Variants in CLEC1B observed in about 807,000 individuals in gnomAD.
CLEC1B encodes C-type lectin domain family 1 member B.
CLEC1B carries 26 observed loss-of-function variants against 26.7 expected under a neutral mutation model. That is an observed-to-expected ratio of 0.97 (90% CI 0.71 to 1.35). The LOEUF is 1.35. CLEC1B is among the 40% of genes most tolerant of loss of function. The pLI, the probability that CLEC1B is intolerant of heterozygous loss-of-function variation, is 0.00. For missense variants in CLEC1B, 293 were observed against 282.6 expected, an observed-to-expected ratio of 1.04 and a Z score of -0.26; for synonymous variants, 112 against 96.0, an observed-to-expected ratio of 1.17 and a Z score of -0.97.
upstream of CLEC1B, among the ~76,000 whole-genome samples, chr12:10,000,780 T>G (rs935092231): frequency 3.3e-5 from 5 of 152,204 alleles, no homozygotes; most frequent in African/African-American, 9.6e-5. Flanking sequence ...GGTTTGATCC[T>G]CCCTCTCTTC....
intron 1 of CLEC1B, 44 bp downstream of exon 1, chr12:9,998,993 T>C (rs760158188): frequency 1.8e-6 from 2 of 1,130,446 alleles, no homozygotes; most frequent in Non-Finnish European, 2.7e-6. Context: ...AATCAACTCA[T>C]TTTTTAAATT....
intron 5 of CLEC1B, 161 bp downstream of exon 5, chr12:9,994,979 A>C: frequency 6.6e-7 from 1 of 1,518,228 alleles, no homozygotes. Flanking sequence ...GAGAGGGGAA[A>C]GAATTGTCTT....
chr12:9,995,683 C>A (rs1865026816), intron 4 of CLEC1B: 2 of 235,376 alleles, frequency 8.5e-6, no homozygotes, highest in Non-Finnish European at 8.4e-6. Flanking sequence ...TAAAATCTTA[C>A]ATATGGAAGT....
chr12:9,995,048 A>G, intron 5 of CLEC1B, 92 bp downstream of exon 5: 2 of 1,590,434 alleles, frequency 1.3e-6, no homozygotes, highest in Non-Finnish European at 1.7e-6. Flanking sequence ...TGCTTCTATA[A>G]CCCATAGTAG....
upstream of CLEC1B, among the ~76,000 whole-genome samples, chr12:9,999,947 CACTTA>C (rs967720349): frequency 6.6e-6 from 1 of 152,178 alleles, no homozygotes; most frequent in African/African-American, 2.4e-5. Flanking sequence ...GTATTGCACA[CACTTA>C]ACTTTATGAA....
upstream of CLEC1B, among the ~76,000 whole-genome samples, chr12:10,001,650 T>C (rs10772223): frequency 0.46 from 70,527 of 151,986 alleles, 16,810 homozygotes; most frequent in Non-Finnish European, 0.51. Flanking sequence ...TAAATGTAAG[T>C]TGAGTTACTC....
intron 4 of CLEC1B, chr12:9,995,717 A>T (rs1018437424): frequency 4.7e-6 from 1 of 212,522 alleles, no homozygotes; most frequent in African/African-American, 2.4e-5. Flanking sequence ...AGTTAATTGG[A>T]TAAAGGCATT....
chr12:9,998,276 A>G lies in CLEC1B; in HGVS notation c.163+6T>C. On this transcript the variant is annotated splice_donor_region_variant and intron_variant, in intron 2 of 5. Transcript: ENST00000298527. ...CAGTCAAATTTCTGGCAGAGTCAAC[A>G]CTTACACCAAATCCCCAGAGCCACC... 1 of 1,612,636 alleles carries G rather than the reference A, an allele frequency of 6.2e-7. No homozygotes were observed. Among genetic ancestry groups the G allele is most frequent in the Non-Finnish European group, 8.5e-7 (1 of 1,178,702 alleles).
In CLEC1B at chr12:9,995,211, C is replaced by T. The variant is rs1456180835; in HGVS notation, c.474G>A (p.Trp158Ter). The change falls in exon 5 of 6, where the codon TGG becomes TGA. Residue 158 changes from tryptophan to a stop codon, truncating the protein, a stop_gained. Transcript: ENST00000298527. LOFTEE classifies it high-confidence loss of function. ...YIKARTHLIR[W>*]VGLSRQKSNE... is the part of the protein sequence containing the mutation. ...TCGACTTCTGGCGAGATAATCCGAC[C>T]CAACGAATTAAATGAGTCCTGGCTT... The T allele has an allele frequency of 6.2e-7, 1 of 1,613,116 alleles. No individual in the cohort carries two copies. Among genetic ancestry groups the T allele is most frequent in the South Asian group, 1.1e-5 (1 of 91,060 alleles).
At chr12:9,997,949 A>T (rs1865091617) in intron 2 of CLEC1B, among the ~76,000 whole-genome samples, 1 of 143,038 alleles carries the variant, frequency 7.0e-6, no homozygotes, top group Non-Finnish European at 1.5e-5. Context: ...AAATTGAAAA[A>T]CTCCAGTTTG....
chr12:9,996,958 T>C lies in CLEC1B; in HGVS notation c.326A>G (p.Tyr109Cys). The change falls in exon 4 of 6, where the codon TAT (tyrosine) becomes TGT (cysteine). Residue 109 changes from tyrosine to cysteine, a missense_variant. Physicochemically the swap from Tyr to Cys is radical, Grantham distance 194 (BLOSUM62 -2). Coordinates refer to ENST00000298527, the MANE Select transcript of CLEC1B (RefSeq NM_016509.4). Reference protein sequence around the residue: ...CSPCDTNWRYYGDSCYGFFRH... With the variant: ...CSPCDTNWRYCGDSCYGFFRH... ...GAAGAACCCATAGCAGCTATCTCCA[T>C]AATATCTCCAGTTTGTGTCACAGGG... 5.6e-6 allele frequency: 9 copies of C among 1,614,110 alleles called. No individual in the cohort carries two copies. Among genetic ancestry groups the C allele is most frequent in the African/African-American group, 1.3e-5 (1 of 75,036 alleles).
chr12:9,996,708 A>G, intron 4 of CLEC1B, 138 bp downstream of exon 4: 3 of 842,482 alleles, frequency 3.6e-6, no homozygotes, highest in South Asian at 1.4e-5. Flanking sequence ...TGTAATTCTT[A>G]CTAGGTTTCA....
intron 4 of CLEC1B, 49 bp from the exon 5 acceptor site, chr12:9,995,295 T>C (rs779962237): frequency 5.4e-6 from 8 of 1,475,576 alleles, no homozygotes; most frequent in Non-Finnish European, 6.6e-6. Context: ...TCCACAGCTC[T>C]TGGTATGATA....
At chr12:9,997,731 G>A (rs1245218602) in intron 2 of CLEC1B, among the ~76,000 whole-genome samples, 1 of 152,116 alleles carries the variant, frequency 6.6e-6, no homozygotes, top group African/African-American at 2.4e-5. Context: ...GAGGATAAAT[G>A]TTAGATTCTA....
At chr12:9,993,789 TTGTC>T (rs1864958555) in intron 5 of CLEC1B, among the ~76,000 whole-genome samples, 1 of 152,132 alleles carries the variant, frequency 6.6e-6, no homozygotes, top group Admixed American at 6.6e-5. Flanking sequence ...TGTATTGTAA[TTGTC>T]TGTTAAGTTA....
intron 2 of CLEC1B, among the ~76,000 whole-genome samples, chr12:9,997,814 C>T (rs1460887946): frequency 6.6e-6 from 1 of 151,828 alleles, no homozygotes; most frequent in Non-Finnish European, 1.5e-5. Context: ...TATTGGAGGG[C>T]CATGAGAATT....
chr12:9,996,780 G>T, intron 4 of CLEC1B, 66 bp downstream of exon 4: 10 of 1,534,980 alleles, frequency 6.5e-6, no homozygotes, highest in Non-Finnish European at 9.0e-6. Flanking sequence ...ACAAAAAAAG[G>T]TCAAGTGTTA....
intron 1 of CLEC1B, among the ~76,000 whole-genome samples, chr12:9,998,659 G>GTTTT (rs1241016496): frequency 6.6e-6 from 1 of 151,592 alleles, no homozygotes; most frequent in Non-Finnish European, 1.5e-5. Flanking sequence ...GTTTTGTTTT[G>GTTTT]TTTTGTTTTG....
Position 9,996,964 on chromosome 12 carries a change from C to A in CLEC1B, c.320G>T (p.Arg107Ile). 3 of 1,614,084 alleles carry A rather than the reference C, an allele frequency of 1.9e-6. No individual in the cohort carries two copies. Among genetic ancestry groups the A allele is most frequent in the African/African-American group, 1.3e-5 (1 of 75,028 alleles). Residue 107 changes from arginine to isoleucine, a missense_variant, in exon 4 of 6, where the codon AGA becomes ATA. Coordinates refer to ENST00000298527, the MANE Select transcript of CLEC1B (RefSeq NM_016509.4). ...HKCSPCDTNW[R>I]YYGDSCYGFF... ...CCCATAGCAGCTATCTCCATAATATCTCCAGTTTGTGTCACAGGGGCTGCA... is the reference window on the plus strand; with the variant it reads ...CCCATAGCAGCTATCTCCATAATATATCCAGTTTGTGTCACAGGGGCTGCA...
Sources: allele counts gnomAD v4.1 joint callset (sites outside exome capture counted in the v4.1 genomes callset), GRCh38; gene constraint gnomAD v4.1.1; transcripts MANE v1.5; gene names NCBI Gene and HGNC (gene_info 2026-07-23, HGNC 2026-07-21).